The following ZMYND8 variants were observed in gnomAD, a reference collection of about 807,000 sequenced individuals.
ZMYND8 encodes MYND-type zinc finger-containing chromatin reader ZMYND8.
ZMYND8 carries 37 observed loss-of-function variants against 140.8 expected under a neutral mutation model. The ratio of observed to expected loss-of-function variants is 0.26; its 90% CI spans 0.20 to 0.35. The LOEUF (loss-of-function observed/expected upper bound fraction) is 0.35, where lower values mean the gene tolerates loss of function less well. Among genes scored for constraint, ZMYND8 ranks in the 10% least tolerant of loss-of-function variants. The pLI, the probability that ZMYND8 is intolerant of heterozygous loss-of-function variation, is 1.00. For synonymous variants in ZMYND8, 592 were observed against 597.1 expected (o/e 0.99, Z 0.12); for missense variants, 1,068 against 1,570.0 (o/e 0.68, Z 5.40).
intron 11 of ZMYND8, among the ~76,000 whole-genome samples, chr20:47,268,822 AC>A (rs1423902077): frequency 2.6e-5 from 4 of 152,040 alleles, no homozygotes; most frequent in South Asian, 2.1e-4. Flanking sequence ...CCTTTTTCAT[AC>A]AAAAATATCA....
At chr20:47,247,598 T>C (rs2040721374) in intron 13 of ZMYND8, among the ~76,000 whole-genome samples, 1 of 152,176 alleles carries the variant, frequency 6.6e-6, no homozygotes, top group African/African-American at 2.4e-5. Flanking sequence ...CTGTAGATAA[T>C]AATACCATAT....
chr20:47,347,652 ACACAGG>A (rs1386191309), intron 2 of ZMYND8, among the ~76,000 whole-genome samples, 198 bp downstream of exon 2: 7 of 152,216 alleles, frequency 4.6e-5, no homozygotes. Context: ...CAGGACCCCT[ACACAGG>A]CACCAGGGAA....
chr20:47,267,422 T>C (rs2075606442), intron 11 of ZMYND8, among the ~76,000 whole-genome samples: 1 of 151,102 alleles, frequency 6.6e-6, no homozygotes, highest in Non-Finnish European at 1.5e-5. Flanking sequence ...TTATGTGAAT[T>C]TGACCTCATT....
At chr20:47,215,899 T>C (rs780701384) in intron 21 of ZMYND8, among the ~76,000 whole-genome samples, 8 of 152,162 alleles carry the variant, frequency 5.3e-5, no homozygotes, top group Non-Finnish European at 8.8e-5. Context: ...GAACGTTCTA[T>C]TGGAGATGCA....
chr20:47,324,045 A>C (rs2080187813), intron 2 of ZMYND8, among the ~76,000 whole-genome samples: 1 of 151,564 alleles, frequency 6.6e-6, no homozygotes, highest in Non-Finnish European at 1.5e-5. Flanking sequence ...CTACAAATAC[A>C]AAAATTAGCT....
At chr20:47,304,842 T>G (rs2078355753) in intron 3 of ZMYND8, among the ~76,000 whole-genome samples, 1 of 151,870 alleles carries the variant, frequency 6.6e-6, no homozygotes, top group African/African-American at 2.4e-5. Flanking sequence ...ATCCAAGGAG[T>G]TGGGCAGACA....
At chr20:47,306,206 A>G (rs1297866577) in intron 3 of ZMYND8, among the ~76,000 whole-genome samples, 1 of 152,168 alleles carries the variant, frequency 6.6e-6, no homozygotes, top group Non-Finnish European at 1.5e-5. Flanking sequence ...AGGGCAAGAA[A>G]GAAAGTGAGA....
chr20:47,286,111 G>A (rs1399291283), intron 8 of ZMYND8, among the ~76,000 whole-genome samples: 1 of 151,294 alleles, frequency 6.6e-6, no homozygotes, highest in African/African-American at 2.4e-5. Context: ...AGTCCATGTT[G>A]AGACCCTGCC....
intron 2 of ZMYND8, among the ~76,000 whole-genome samples, chr20:47,313,249 T>C (rs1484706784): frequency 6.6e-6 from 1 of 150,438 alleles, no homozygotes; most frequent in African/African-American, 2.4e-5. Flanking sequence ...AATTTAATTA[T>C]AAAAATTTTT....
At chr20:47,237,064 C>T (rs2039330257) in intron 15 of ZMYND8, among the ~76,000 whole-genome samples, 1 of 152,096 alleles carries the variant, frequency 6.6e-6, no homozygotes, top group African/African-American at 2.4e-5. Context: ...AGCATATTAC[C>T]AATTTAAATT....
At chr20:47,284,834 T>C (rs979101155) in intron 8 of ZMYND8, among the ~76,000 whole-genome samples, 1 of 152,062 alleles carries the variant, frequency 6.6e-6, no homozygotes, top group African/African-American at 2.4e-5. Context: ...ACTCCACCAT[T>C]TACTAGCTCT....
At chr20:47,269,093 G>T (rs1201099189) in intron 11 of ZMYND8, among the ~76,000 whole-genome samples, 1 of 151,696 alleles carries the variant, frequency 6.6e-6, no homozygotes, top group Non-Finnish European at 1.5e-5. Flanking sequence ...CAGCTACTTG[G>T]GGGGCTGAGG....
At chr20:47,291,975 G>T in intron 5 of ZMYND8, 87 bp from the exon 6 acceptor site, 1 of 1,194,236 alleles carries the variant, frequency 8.4e-7, no homozygotes, top group South Asian at 1.5e-5. Context: ...TTGAAAAATT[G>T]AGACAACTTT....
chr20:47,309,996 A>G, intron 3 of ZMYND8, 60 bp downstream of exon 3: 1 of 1,606,032 alleles, frequency 6.2e-7, no homozygotes, highest in South Asian at 1.1e-5. Context: ...CCAGAGGTTC[A>G]GCGCTACTAG....
intron 10 of ZMYND8, 22 bp from the exon 11 acceptor site, chr20:47,276,817 A>G: frequency 6.4e-7 from 1 of 1,557,742 alleles, no homozygotes; most frequent in African/African-American, 1.4e-5. Flanking sequence ...AAAGATAAAG[A>G]GAGTTTAAGT....
At position 47,284,260 on chromosome 20, in the gene ZMYND8, C is replaced by T. The variant is rs531632132; in HGVS notation, c.805-612G>A. 6.2e-4 allele frequency among the ~76,000 whole-genome samples: 95 copies of T among 152,194 alleles called. 1 individual carries two copies. Among genetic ancestry groups the T allele is most frequent in the African/African-American group, 2.0e-3 (84 of 41,532 alleles). ...TTATAGACATAAATCTGTTCTTGTC[C>T]TTCCCCTGCTTAAAAGCCCCCAGTG... is the stretch of plus-strand genomic sequence containing the variant. On this transcript the variant is annotated intron_variant, in intron 8 of 22. Transcript: ENST00000471951.
chr20:47,253,538 A>C (rs1247522118), intron 12 of ZMYND8, among the ~76,000 whole-genome samples: 2 of 23,206 alleles, frequency 8.6e-5, no homozygotes, highest in African/African-American at 4.3e-4. Flanking sequence ...CTCCATCTCA[A>C]AAAAAAAAAA....
At chr20:47,211,433 GA>G (rs1336164510) in intron 22 of ZMYND8, among the ~76,000 whole-genome samples, 1 of 151,356 alleles carries the variant, frequency 6.6e-6, no homozygotes, top group Non-Finnish European at 1.5e-5. Context: ...GTCCACCTGG[GA>G]ACACACACCC....
At chr20:47,286,528 C>A (rs1382241461) in intron 8 of ZMYND8, among the ~76,000 whole-genome samples, 1 of 152,120 alleles carries the variant, frequency 6.6e-6, no homozygotes, top group Non-Finnish European at 1.5e-5. Context: ...ATATCTAGAT[C>A]TAGATCTATA....
Sources: allele counts gnomAD v4.1 joint callset (sites outside exome capture counted in the v4.1 genomes callset), GRCh38; gene constraint gnomAD v4.1.1; transcripts MANE v1.5; gene names NCBI Gene and HGNC (gene_info 2026-07-23, HGNC 2026-07-21).